MRPL39: variants seen among roughly 807,000 people sequenced by gnomAD.
MRPL39 encodes mitochondrial ribosomal protein L39.
Under a neutral mutation model 44.5 loss-of-function variants are expected in MRPL39, and 35 were observed. The observed-to-expected ratio is 0.79, with a 90% CI of 0.60 to 1.04. MRPL39 has a LOEUF of 1.04. MRPL39 is among the 50% of genes least tolerant of loss of function. The probability of loss-of-function intolerance (pLI) is 0.00; values close to 1 mark genes in which losing one functional copy is unlikely to be tolerated. For missense variants in MRPL39, 433 were observed against 413.5 expected, an observed-to-expected ratio of 1.05 and a Z score of -0.41; for synonymous variants, 139 against 136.1, an observed-to-expected ratio of 1.02 and a Z score of -0.15.
At chr21:25,591,079 CAAAA>C (rs55796940) in intron 8 of MRPL39, among the ~76,000 whole-genome samples, 3,681 of 129,208 alleles carry the variant, frequency 0.028, 209 homozygotes, top group African/African-American at 0.1. Context: ...CTATAGCCCA[CAAAA>C]AAAAAAAAAA....
At chr21:25,592,129 G>A (rs779369430) in intron 8 of MRPL39, among the ~76,000 whole-genome samples, 91 of 152,278 alleles carry the variant, frequency 6.0e-4, no homozygotes, top group Non-Finnish European at 1.0e-3. Flanking sequence ...TATAGAAAAG[G>A]AAAACAGATA....
At chr21:25,601,550 A>T (rs2031525426) in intron 3 of MRPL39, 83 bp from the exon 4 acceptor site, 6 of 870,760 alleles carry the variant, frequency 6.9e-6, no homozygotes, top group African/African-American at 5.4e-5. Flanking sequence ...ATTTTAAGTG[A>T]ACTTCTGACT....
chr21:25,606,006 T>A (rs1310291277), intron 2 of MRPL39, among the ~76,000 whole-genome samples: 2 of 152,150 alleles, frequency 1.3e-5, no homozygotes, highest in African/African-American at 4.8e-5. Context: ...GGCAGGACAA[T>A]CTGTGCACTA....
chr21:25,602,586 G>C (rs768555226), intron 3 of MRPL39, among the ~76,000 whole-genome samples: 2 of 152,072 alleles, frequency 1.3e-5, no homozygotes, highest in Admixed American at 6.5e-5. Context: ...GTCCAATAAG[G>C]GAAATGGTCC....
intron 2 of MRPL39, among the ~76,000 whole-genome samples, chr21:25,604,560 T>C (rs1428705701): frequency 2.0e-5 from 3 of 152,198 alleles, no homozygotes; most frequent in East Asian, 1.9e-4. Context: ...ATGACATAGA[T>C]GCTTCAAGTT....
chr21:25,597,838 TTTC>T (rs2031405488), intron 5 of MRPL39, among the ~76,000 whole-genome samples: 1 of 152,170 alleles, frequency 6.6e-6, no homozygotes, highest in Admixed American at 6.5e-5. Context: ...AAATTATTGT[TTTC>T]TTAATTAAGA....
At chr21:25,587,617 G>T (rs1008356438) in intron 9 of MRPL39, 2 of 1,111,714 alleles carry the variant, frequency 1.8e-6, no homozygotes, top group African/African-American at 3.1e-5. Context: ...TAAATGTACT[G>T]GCAAAGAAAA....
chr21:25,599,293 C>CT (rs2031453033), intron 5 of MRPL39, among the ~76,000 whole-genome samples: 1 of 152,132 alleles, frequency 6.6e-6, no homozygotes, highest in South Asian at 2.1e-4. Context: ...AAGTCTGATT[C>CT]TTTAATTCAC....
intron 2 of MRPL39, among the ~76,000 whole-genome samples, chr21:25,604,932 A>G (rs1223367876): frequency 6.6e-6 from 1 of 152,244 alleles, no homozygotes; most frequent in Non-Finnish European, 1.5e-5. Context: ...AAGCTTCATC[A>G]CTACATGTGA....
At position 25,607,447 on chromosome 21, in the gene MRPL39, GCCCGGGA is replaced by G; in HGVS notation, c.22_28del (p.Ser8ArgfsTer18). On this transcript the variant is annotated frameshift_variant, in exon 1 of 10. Transcript: ENST00000352957. LOFTEE classifies it high-confidence loss of function. ...GGGTGCGACCAGCCAGAGCCGCAGCGCCCGGGAACCCATGGCCAGCGCCTCCATAGCA... is the reference window on the plus strand; with the variant it reads ...GGGTGCGACCAGCCAGAGCCGCAGCGACCCATGGCCAGCGCCTCCATAGCA... 1.2e-6 allele frequency: 2 copies of G among 1,613,002 alleles called. No homozygotes were observed. Among genetic ancestry groups the G allele is most frequent in the Non-Finnish European group, 1.7e-6 (2 of 1,179,964 alleles).
At chr21:25,592,298 G>A (rs1363110047) in intron 8 of MRPL39, among the ~76,000 whole-genome samples, 1 of 152,182 alleles carries the variant, frequency 6.6e-6, no homozygotes, top group Admixed American at 6.5e-5. Context: ...TGGTGATACT[G>A]TATTTTAGTA....
At chr21:25,588,684 T>G (rs1045772001) in intron 9 of MRPL39, 151 bp downstream of exon 9, 1 of 654,422 alleles carries the variant, frequency 1.5e-6, no homozygotes, top group African/African-American at 1.8e-5. Flanking sequence ...AACACACTAG[T>G]GAACAATCAC....
intron 2 of MRPL39, among the ~76,000 whole-genome samples, chr21:25,604,174 G>A (rs1277518878): frequency 6.6e-6 from 1 of 151,874 alleles, no homozygotes; most frequent in African/African-American, 2.4e-5. Context: ...CAGGAGAATC[G>A]CTTGAACCAA....
At chr21:25,597,230 A>C in intron 6 of MRPL39, 72 bp downstream of exon 6, 1 of 984,968 alleles carries the variant, frequency 1.0e-6, no homozygotes, top group South Asian at 1.6e-5. Flanking sequence ...AAAAATTTTT[A>C]AGACCTGAAT....
At chr21:25,587,717 G>C (rs1328352303) in intron 9 of MRPL39, 1 of 1,608,108 alleles carries the variant, frequency 6.2e-7, no homozygotes, top group Admixed American at 1.7e-5. Flanking sequence ...ACTGTTCCAT[G>C]GAGGAGGTAC....
At position 25,588,817 on chromosome 21, in the gene MRPL39, G is replaced by T; in HGVS notation, c.969+18C>A. ...TTTCTTTATAGAAGAGTACTCAATAGCTGTCAAAAACACTTACCATTTTCC... is the reference window on the plus strand; with the variant it reads ...TTTCTTTATAGAAGAGTACTCAATATCTGTCAAAAACACTTACCATTTTCC... On this transcript the variant is annotated intron_variant, in intron 9 of 9. Coordinates refer to ENST00000352957, the MANE Select transcript of MRPL39 (RefSeq NM_017446.4). 1 of 1,601,498 alleles carries T rather than the reference G, an allele frequency of 6.2e-7. No individual in the cohort carries two copies.
intron 5 of MRPL39, among the ~76,000 whole-genome samples, chr21:25,599,030 T>C (rs533864337): frequency 2.6e-5 from 4 of 152,290 alleles, no homozygotes; most frequent in African/African-American, 9.6e-5. Flanking sequence ...ACATAGGACA[T>C]ATAGTTTTGT....
intron 2 of MRPL39, 92 bp from the exon 3 acceptor site, chr21:25,604,027 G>A (rs550733499): frequency 8.4e-7 from 1 of 1,197,152 alleles, no homozygotes; most frequent in Non-Finnish European, 1.2e-6. Context: ...ACAATGGAAA[G>A]GCAAGATTCT....
Position 25,593,906 on chromosome 21 carries a change from C to G in MRPL39, c.754G>C (p.Val252Leu). The G allele has an allele frequency of 6.2e-7, 1 of 1,613,628 alleles. No individual in the cohort carries two copies. The highest frequency in any genetic ancestry group is 8.5e-7 in the Non-Finnish European group (1 of 1,179,782). Residue 252 changes from valine to leucine, a missense_variant, in exon 7 of 10, where the codon GTC becomes CTC. By Grantham distance (32) the Val-to-Leu change is conservative. Coordinates refer to ENST00000352957, the MANE Select transcript of MRPL39 (RefSeq NM_017446.4). ...EKASQNPERI[V>L]KLHRIGDFID... ...ACTTTTACTTACCTGTGTAGCTTGACTATTCTCTCAGGGTTCTGAGATGCC... is the reference window on the plus strand; with the variant it reads ...ACTTTTACTTACCTGTGTAGCTTGAGTATTCTCTCAGGGTTCTGAGATGCC...
Sources: allele counts gnomAD v4.1 joint callset (sites outside exome capture counted in the v4.1 genomes callset), GRCh38; gene constraint gnomAD v4.1.1; transcripts MANE v1.5; gene names NCBI Gene and HGNC (gene_info 2026-07-23, HGNC 2026-07-21).